LRMDA: variants seen among roughly 807,000 people sequenced by gnomAD.
The protein encoded by LRMDA is leucine-rich melanocyte differentiation-associated protein.
A neutral mutation model predicts 29.8 loss-of-function variants in LRMDA; 18 were observed. The observed-to-expected ratio is 0.60, with a 90% CI of 0.42 to 0.90. The LOEUF is 0.90. Ranked by LOEUF, LRMDA falls within the 40% of genes least tolerant of loss-of-function variation. LRMDA has a pLI of 0.00. For synonymous variants in LRMDA, 125 were observed against 109.4 expected (o/e 1.14, Z -0.89); for missense variants, 273 against 273.9 (o/e 1.00, Z 0.02).
intron 6 of LRMDA, among the ~76,000 whole-genome samples, chr10:76,342,453 T>C (rs924071759): frequency 3.3e-5 from 5 of 151,968 alleles, no homozygotes; most frequent in East Asian, 3.9e-4. Context: ...TTGTAAAAGA[T>C]ATATTAAGCA....
intron 2 of LRMDA, among the ~76,000 whole-genome samples, chr10:75,931,662 C>G (rs915729192): frequency 2.0e-5 from 3 of 152,142 alleles, no homozygotes; most frequent in Non-Finnish European, 4.4e-5. Flanking sequence ...GGAAGTCCAC[C>G]CAAGAATGCT....
At chr10:75,824,747 C>G (rs1315502511) in intron 2 of LRMDA, among the ~76,000 whole-genome samples, 1 of 152,168 alleles carries the variant, frequency 6.6e-6, no homozygotes, top group Admixed American at 6.5e-5. Flanking sequence ...GGAGAGCCAG[C>G]ATATTGGCTC....
chr10:76,518,015 A>G (rs1843079256), intron 6 of LRMDA, among the ~76,000 whole-genome samples: 1 of 151,314 alleles, frequency 6.6e-6, no homozygotes, highest in Non-Finnish European at 1.5e-5. Flanking sequence ...ATTCCGAAGT[A>G]ATATGCTAGA....
intron 5 of LRMDA, among the ~76,000 whole-genome samples, chr10:76,200,497 T>C (rs562852581): frequency 9.9e-5 from 15 of 152,200 alleles, no homozygotes; most frequent in African/African-American, 3.6e-4. Flanking sequence ...GTTGGATGAG[T>C]TTTTATTACT....
intron 6 of LRMDA, among the ~76,000 whole-genome samples, chr10:76,444,593 T>C (rs1040963291): frequency 5.9e-5 from 9 of 152,362 alleles, no homozygotes; most frequent in Admixed American, 5.2e-4. Context: ...TCCCAAAGAA[T>C]CTGTTCTGAT....
intron 2 of LRMDA, among the ~76,000 whole-genome samples, chr10:75,828,386 G>T (rs115988655): frequency 3.0e-3 from 459 of 152,102 alleles, no homozygotes; most frequent in African/African-American, 0.011. Context: ...GGTTTATATT[G>T]TCTGCCAAAA....
intron 2 of LRMDA, among the ~76,000 whole-genome samples, chr10:75,848,845 G>T (rs1844684109): frequency 6.6e-6 from 1 of 152,098 alleles, no homozygotes; most frequent in Admixed American, 6.6e-5. Context: ...GGGAAAAGTG[G>T]CTCGTTTTGC....
chr10:76,316,237 T>C (rs549552937), intron 5 of LRMDA, among the ~76,000 whole-genome samples: 2 of 152,102 alleles, frequency 1.3e-5, no homozygotes, highest in African/African-American at 4.8e-5. Context: ...GTTCCTGGCG[T>C]CTCCCAGCTT....
chr10:75,531,994 T>C (rs906117094), intron 2 of LRMDA, among the ~76,000 whole-genome samples: 2 of 143,400 alleles, frequency 1.4e-5, no homozygotes, highest in Non-Finnish European at 3.0e-5. Flanking sequence ...TGTGGTAAGC[T>C]GATTGCACCA....
chr10:75,794,672 G>T lies in LRMDA; in HGVS notation c.132-241336G>T, dbSNP rs191401477. 2.6e-5 allele frequency among the ~76,000 whole-genome samples: 4 copies of T among 152,228 alleles called. No individual in the cohort carries two copies. The South Asian group carries it at 8.3e-4, about 32-fold the overall frequency. The stretch of plus-strand genomic sequence containing the variant: ...TGGTATCTCACTGTAGTTTTACTCT[G>T]TGTCTTCCTGATCACTAATGATGCT... On this transcript the variant is annotated intron_variant, in intron 2 of 6. Transcript: ENST00000611255.
chr10:76,268,766 A>C (rs1320232386), intron 5 of LRMDA, among the ~76,000 whole-genome samples: 1 of 152,144 alleles, frequency 6.6e-6, no homozygotes. Context: ...TGCATCAGGG[A>C]AATCTCTGAC....
In LRMDA at chr10:75,465,392, G is replaced by A. The variant is rs138324953; in HGVS notation, c.131+26898G>A. Among the ~76,000 whole-genome samples, 807 of 152,288 alleles carry A rather than the reference G, an allele frequency of 5.3e-3. 3 individuals are homozygous for A. Among genetic ancestry groups the A allele is most frequent in the Non-Finnish European group, 7.9e-3 (539 of 68,030 alleles). ...CTATCTTGTGTTTATCCATACACAG[G>A]TCTGTGCATGCAGACACAGGCCAGA... On this transcript the variant is annotated intron_variant, in intron 2 of 6. Coordinates refer to ENST00000611255, the MANE Select transcript of LRMDA (RefSeq NM_001305581.2).
intron 5 of LRMDA, among the ~76,000 whole-genome samples, chr10:76,184,158 G>T (rs1851104830): frequency 1.3e-5 from 2 of 151,910 alleles, no homozygotes; most frequent in African/African-American, 4.8e-5. Context: ...AGCTTGCCAT[G>T]TAGCTGGGAT....
At chr10:76,095,869 C>T (rs961612988) in intron 5 of LRMDA, among the ~76,000 whole-genome samples, 8 of 150,168 alleles carry the variant, frequency 5.3e-5, no homozygotes, top group African/African-American at 2.0e-4. Context: ...AGTGGGTTGT[C>T]GGGAGGCGGA....
chr10:75,550,256 G>T (rs920442030), intron 2 of LRMDA, among the ~76,000 whole-genome samples: 3 of 151,970 alleles, frequency 2.0e-5, no homozygotes, highest in Admixed American at 6.6e-5. Context: ...ACTTATTTTT[G>T]ATCTACTTTT....
chr10:75,667,501 TGTTGCCCAG>T lies in LRMDA; in HGVS notation c.131+229012_131+229020del, dbSNP rs572308489. On this transcript the variant is annotated intron_variant, in intron 2 of 6. Coordinates refer to ENST00000611255, the MANE Select transcript of LRMDA (RefSeq NM_001305581.2). ...TATTTTTAGAGACAGGGTTTTGCTATGTTGCCCAGGTTGGTCTCAAACTCCTGGCCTCAA... is the reference window on the plus strand; with the variant it reads ...TATTTTTAGAGACAGGGTTTTGCTATGTTGGTCTCAAACTCCTGGCCTCAA... Among the ~76,000 whole-genome samples the T allele has an allele frequency of 1.5e-4, 23 of 152,336 alleles. No homozygotes were observed. In the South Asian group the frequency reaches 4.4e-3, roughly 29 times the overall value.
chr10:75,511,629 A>G (rs1845226955), intron 2 of LRMDA, among the ~76,000 whole-genome samples: 1 of 152,174 alleles, frequency 6.6e-6, no homozygotes, highest in African/African-American at 2.4e-5. Context: ...CTGTCCACAT[A>G]ATGGTTCTCA....
intron 5 of LRMDA, among the ~76,000 whole-genome samples, chr10:76,122,636 C>T (rs1220903417): frequency 6.6e-6 from 1 of 152,130 alleles, no homozygotes; most frequent in Non-Finnish European, 1.5e-5. Flanking sequence ...GTTGCTGTTG[C>T]TGTTAACTTG....
chr10:76,116,668 T>C (rs972823892), intron 5 of LRMDA, among the ~76,000 whole-genome samples: 2 of 152,174 alleles, frequency 1.3e-5, no homozygotes, highest in Admixed American at 1.3e-4. Flanking sequence ...CATTAAGTCC[T>C]TTTGGGCAAG....
Sources: allele counts gnomAD v4.1 joint callset (sites outside exome capture counted in the v4.1 genomes callset), GRCh38; gene constraint gnomAD v4.1.1; transcripts MANE v1.5; gene names NCBI Gene and HGNC (gene_info 2026-07-23, HGNC 2026-07-21).